DNAJC10: variants seen among roughly 807,000 people sequenced by gnomAD.
DNAJC10 encodes the protein endoplasmic reticulum disulfide reductase DNAJC10.
A neutral mutation model predicts 115.0 loss-of-function variants in DNAJC10; 101 were observed. The ratio of observed to expected loss-of-function variants is 0.88; its 90% CI spans 0.75 to 1.04. The LOEUF (loss-of-function observed/expected upper bound fraction) is 1.04. Ranked by LOEUF, DNAJC10 falls within the 50% of genes least tolerant of loss-of-function variation. The pLI is 0.00. For synonymous variants in DNAJC10, 307 were observed against 301.5 expected, an observed-to-expected ratio of 1.02 and a Z score of -0.19; for missense variants, 981 against 928.8, an observed-to-expected ratio of 1.06 and a Z score of -0.73.
chr2:182,772,783 C>T (rs1694601968), intron 22 of DNAJC10, among the ~76,000 whole-genome samples: 2 of 152,138 alleles, frequency 1.3e-5, no homozygotes. Flanking sequence ...TGGGTCTTGA[C>T]TCTTTATCAA....
chr2:182,767,202 A>G (rs1574955002), intron 22 of DNAJC10, among the ~76,000 whole-genome samples: 1 of 152,152 alleles, frequency 6.6e-6, no homozygotes, highest in Non-Finnish European at 1.5e-5. Flanking sequence ...CGCAGAGCGT[A>G]CCGGTGCCCA....
chr2:182,745,358 C>T (rs1693834561), intron 14 of DNAJC10, among the ~76,000 whole-genome samples: 1 of 152,226 alleles, frequency 6.6e-6, no homozygotes, highest in Non-Finnish European at 1.5e-5. Flanking sequence ...TTTCACTCCT[C>T]TGTGCCTTCA....
rs1282012950 is a variant in DNAJC10 at position 182,785,814 on chromosome 2, A to G, written c.*8682A>G. 2.6e-5 allele frequency: 4 copies of G among 152,222 alleles called. No individual in the cohort carries two copies. The highest frequency in any genetic ancestry group is 6.5e-5 in the Admixed American group (1 of 15,274). The allele number at this position is 152,222 out of a possible 1,614,324, so 9.4% of individuals were successfully genotyped here. A position where few individuals can be genotyped will look rare whatever the true frequency, so the allele number is the denominator to read the frequency against. Reference sequence around the variant, plus strand: ...AGACAGTAGGATATATTTCATATATATATGAAACAGTTGGGGAAATCAGAA... The same window carrying G: ...AGACAGTAGGATATATTTCATATATGTATGAAACAGTTGGGGAAATCAGAA... On this transcript the variant is annotated 3_prime_UTR_variant, in exon 24 of 24. Coordinates refer to ENST00000264065, the MANE Select transcript of DNAJC10 (RefSeq NM_018981.4).
chr2:182,775,089 T>A lies in DNAJC10; in HGVS notation c.2266-227T>A, dbSNP rs559494896. On this transcript the variant is annotated intron_variant, in intron 22 of 23. Coordinates refer to ENST00000264065, the MANE Select transcript of DNAJC10 (RefSeq NM_018981.4). Reference sequence around the variant, plus strand: ...AGTGATGCTTTTTTTTTTTTTTTTTTAACAATTGTTTCATGTTTCCGTGAC... The same window carrying A: ...AGTGATGCTTTTTTTTTTTTTTTTTAAACAATTGTTTCATGTTTCCGTGAC... Among the ~76,000 whole-genome samples, 1,072 of 145,238 alleles carry A rather than the reference T, an allele frequency of 7.4e-3. 6 individuals carry two copies. The highest frequency in any genetic ancestry group is 0.033 in the South Asian group (149 of 4,544).
Position 182,787,887 on chromosome 2 carries a change from C to G in DNAJC10, c.*10755C>G, listed in dbSNP as rs974464399. 2.0e-5 allele frequency: 3 copies of G among 152,168 alleles called. No individual in the cohort carries two copies. The highest frequency in any genetic ancestry group is 4.4e-5 in the Non-Finnish European group (3 of 68,084). 9.4% of individuals were successfully genotyped at this position (152,168 alleles called of 1,614,324 possible). On this transcript the variant is annotated 3_prime_UTR_variant, in exon 24 of 24. Coordinates refer to ENST00000264065, the MANE Select transcript of DNAJC10 (RefSeq NM_018981.4). ...AGTGAGCCGTGATCACACCACTGCA[C>G]TCCAGACTGGGAGGCAGAGGAAGAC...
chr2:182,745,653 A>T (rs1158619101), intron 14 of DNAJC10, among the ~76,000 whole-genome samples: 1 of 152,128 alleles, frequency 6.6e-6, no homozygotes, highest in East Asian at 1.9e-4. Flanking sequence ...AACATTGTGG[A>T]CTATTAGGGA....
rs1238586441 is a variant in DNAJC10 at position 182,747,257 on chromosome 2, A to G, written c.1306+3545A>G. ...ATGAACTTTAAAGTAGTTTTTTCCA[A>G]TTCTGTGAAGAAAGGCATTGGTAGC... On this transcript the variant is annotated intron_variant, in intron 14 of 23. Coordinates refer to ENST00000264065, the MANE Select transcript of DNAJC10 (RefSeq NM_018981.4). Among the ~76,000 whole-genome samples, 6 of 151,916 alleles carry G rather than the reference A, an allele frequency of 3.9e-5. No homozygotes were observed. In the South Asian group the frequency reaches 6.3e-4, roughly 16 times the overall value.
chr2:182,741,118 A>T (rs1415743169), intron 12 of DNAJC10, 125 bp from the exon 13 acceptor site: 1 of 637,758 alleles, frequency 1.6e-6, no homozygotes, highest in Non-Finnish European at 2.7e-6. Flanking sequence ...AGTGGGTCCG[A>T]ATTTTAGACA....
chr2:182,762,603 T>C (rs1694313166), intron 21 of DNAJC10, 79 bp from the exon 22 acceptor site: 7 of 1,413,206 alleles, frequency 5.0e-6, no homozygotes, highest in Non-Finnish European at 6.8e-6. Context: ...ATTCAAAATG[T>C]TTTATATCCT....
intron 16 of DNAJC10, chr2:182,754,683 C>T (rs1379822400): frequency 1.6e-5 from 15 of 918,406 alleles, no homozygotes; most frequent in South Asian, 4.5e-5. Context: ...TGTTTATAGC[C>T]TCTTCTTACC....
chr2:182,728,693 T>TTTCTAA, intron 6 of DNAJC10, 35 bp downstream of exon 6: 1 of 1,565,812 alleles, frequency 6.4e-7, no homozygotes. Flanking sequence ...ACTAGTTTTA[T>TTTCTAA]TTCTAATTGA....
At chr2:182,728,056 G>A (rs1051595283) in intron 5 of DNAJC10, among the ~76,000 whole-genome samples, 7 of 152,080 alleles carry the variant, frequency 4.6e-5, no homozygotes, top group East Asian at 1.9e-4. Context: ...TTTAATCCCC[G>A]CAATCCTTAC....
In DNAJC10 at chr2:182,789,337, T is replaced by TCA. The variant is rs1167348899; in HGVS notation, c.*12207_*12208dup. On this transcript the variant is annotated 3_prime_UTR_variant, in exon 24 of 24. Coordinates refer to ENST00000264065, the MANE Select transcript of DNAJC10 (RefSeq NM_018981.4). ...CCCAGGTTCAAGCGATTCTCCTGCC[T>TCA]CACCCTCCCAAGTAGCTGGGACTGC... 1 of 154,096 alleles carries TCA rather than the reference T, an allele frequency of 6.5e-6. No homozygotes were observed. The highest frequency in any genetic ancestry group is 1.4e-5 in the Non-Finnish European group (1 of 69,590). The allele number at this position is 154,096 out of a possible 1,614,324, so 9.5% of individuals were successfully genotyped here. A position where few individuals can be genotyped will look rare whatever the true frequency, so the allele number is the denominator to read the frequency against.
At chr2:182,743,810 T>C (rs557246507) in intron 14 of DNAJC10, 98 bp downstream of exon 14, 1 of 777,888 alleles carries the variant, frequency 1.3e-6, no homozygotes, top group African/African-American at 1.8e-5. Context: ...CGGACATGCT[T>C]ATTGTAAATA....
chr2:182,732,645 AC>A, intron 10 of DNAJC10, 103 bp downstream of exon 10: 1 of 1,108,664 alleles, frequency 9.0e-7, no homozygotes, highest in South Asian at 1.3e-5. Flanking sequence ...CATTTAACTC[AC>A]CTATTTGTAA....
intron 10 of DNAJC10, among the ~76,000 whole-genome samples, chr2:182,733,542 T>C (rs1424509489): frequency 1.3e-5 from 2 of 151,390 alleles, no homozygotes; most frequent in African/African-American, 2.4e-5. Context: ...GTGATCAGAG[T>C]GATTGGCCTA....
intron 22 of DNAJC10, among the ~76,000 whole-genome samples, chr2:182,771,288 C>CT (rs1224134697): frequency 2.0e-5 from 3 of 151,930 alleles, no homozygotes; most frequent in South Asian, 2.1e-4. Flanking sequence ...CTAAAATTCC[C>CT]TTTTTTTGTT....
intron 22 of DNAJC10, among the ~76,000 whole-genome samples, chr2:182,770,749 G>A (rs1251108624): frequency 6.6e-6 from 1 of 152,154 alleles, no homozygotes; most frequent in African/African-American, 2.4e-5. Flanking sequence ...CATGTCATCT[G>A]CATACAGGGA....
At chr2:182,757,013 A>G (rs1239839339) in intron 18 of DNAJC10, among the ~76,000 whole-genome samples, 1 of 152,124 alleles carries the variant, frequency 6.6e-6, no homozygotes, top group East Asian at 1.9e-4. Flanking sequence ...AATTTTTTCT[A>G]ATTTTTTTCC....
Sources: allele counts gnomAD v4.1 joint callset (sites outside exome capture counted in the v4.1 genomes callset), GRCh38; gene constraint gnomAD v4.1.1; transcripts MANE v1.5; gene names NCBI Gene and HGNC (gene_info 2026-07-23, HGNC 2026-07-21).